Variants in PCBP3 observed in about 807,000 individuals in gnomAD.
The protein encoded by PCBP3 is poly(rC) binding protein 3.
Under a neutral mutation model 52.7 loss-of-function variants are expected in PCBP3, and 25 were observed. The ratio of observed to expected loss-of-function variants is 0.47; its 90% CI spans 0.35 to 0.66. PCBP3 has a LOEUF of 0.66. PCBP3 is among the 30% of genes least tolerant of loss of function. PCBP3 has a pLI of 0.01. For missense variants in PCBP3, 391 were observed against 490.3 expected (o/e 0.80, Z 1.91); for synonymous variants, 162 against 183.0 (o/e 0.89, Z 0.93).
chr21:45,741,015 G>T lies in PCBP3; in HGVS notation c.-162+5586G>T, dbSNP rs904816969. Among the ~76,000 whole-genome samples the T allele has an allele frequency of 6.6e-6, 1 of 152,182 alleles. No homozygotes were observed. Among genetic ancestry groups the T allele is most frequent in the Non-Finnish European group, 1.5e-5 (1 of 68,034 alleles). ...AAGGTGACTTGGGAGCCTGCCCTGC[G>T]GTGGGGGACTGTCCTAAACGGAAAG... On this transcript the variant is annotated intron_variant, in intron 3 of 17. Coordinates refer to ENST00000681687, the MANE Select transcript of PCBP3 (RefSeq NM_001384156.1). This position sits in a 1 kb window ranked among gnomAD's most constrained non-coding sequence, Gnocchi z 4.5.
rs369908786 is a variant in PCBP3, at chr21:45,663,042, A to C, written c.-278-5832A>C. 4.6e-5 allele frequency among the ~76,000 whole-genome samples: 7 copies of C among 152,048 alleles called. No homozygotes were observed. In the East Asian group the frequency reaches 1.4e-3, roughly 29 times the overall value. On this transcript the variant is annotated intron_variant, in intron 1 of 17. Transcript: ENST00000681687. ...TGTGATACTGTGCTTCAGCTGTCACACTCCTGGTCCGCTTTCATGTTCCAT... is the reference window on the plus strand; with the variant it reads ...TGTGATACTGTGCTTCAGCTGTCACCCTCCTGGTCCGCTTTCATGTTCCAT...
chr21:45,894,805 G>C (rs905219793), intron 5 of PCBP3, among the ~76,000 whole-genome samples: 1 of 152,240 alleles, frequency 6.6e-6, no homozygotes, highest in South Asian at 2.1e-4. Context: ...ATGCAAGGGT[G>C]ATCTTCGGAG....
chr21:45,900,990 A>G lies in PCBP3; in HGVS notation c.223-7A>G. 3.7e-6 allele frequency: 6 copies of G among 1,607,296 alleles called. No individual in the cohort carries two copies. The highest frequency in any genetic ancestry group is 5.1e-6 in the Non-Finnish European group (6 of 1,173,874). On this transcript the variant is annotated splice_region_variant and splice_polypyrimidine_tract_variant and intron_variant, in intron 8 of 17. Transcript: ENST00000681687. ...AGGTCGCTGGGGTTTCTCTGCTCTC[A>G]CCTTAGAGTGGTGCAAGGATCAACA...
At chr21:45,885,510 C>T (rs925666107) in intron 5 of PCBP3, among the ~76,000 whole-genome samples, 10 of 152,094 alleles carry the variant, frequency 6.6e-5, no homozygotes, top group African/African-American at 2.4e-5. Context: ...TTTCTGGTAC[C>T]CTAAGGACAT....
chr21:45,659,719 G>A (rs1429422148), intron 1 of PCBP3, among the ~76,000 whole-genome samples: 1 of 151,976 alleles, frequency 6.6e-6, no homozygotes, highest in African/African-American at 2.4e-5. Context: ...TGGTTATTTA[G>A]CAGTGTATTG....
intron 1 of PCBP3, among the ~76,000 whole-genome samples, chr21:45,651,000 C>G (rs1225887418): frequency 6.6e-6 from 1 of 152,134 alleles, no homozygotes; most frequent in Non-Finnish European, 1.5e-5. Flanking sequence ...TGTCAATAAT[C>G]TTGAGTGAGC....
chr21:45,913,831 G>A (rs2096452710), intron 11 of PCBP3, 120 bp from the exon 12 acceptor site: 1 of 875,198 alleles, frequency 1.1e-6, no homozygotes, highest in Non-Finnish European at 1.8e-6. Context: ...ACTCGGGGAG[G>A]TGTGGGGAGC....
At chr21:45,836,435 TG>T (rs1364245888) in intron 4 of PCBP3, 1 of 151,738 alleles carries the variant, frequency 6.6e-6, no homozygotes, top group African/African-American at 2.4e-5. Flanking sequence ...CCTGCCCTGC[TG>T]GGCCTCATCT....
chr21:45,932,271 T>G (rs1208672793), intron 15 of PCBP3, among the ~76,000 whole-genome samples: 43 of 105,316 alleles, frequency 4.1e-4, no homozygotes, highest in South Asian at 9.4e-4. Flanking sequence ...GGACACCTGG[T>G]CCATGCCGTC....
At chr21:45,646,073 C>T (rs965429874) in intron 1 of PCBP3, among the ~76,000 whole-genome samples, 22 of 123,162 alleles carry the variant, frequency 1.8e-4, no homozygotes, top group Non-Finnish European at 3.0e-4. Context: ...CTCTCTCTCT[C>T]TCTCTCTCTT....
Position 45,737,675 on chromosome 21 carries a change from T to G in PCBP3, c.-162+2246T>G, listed in dbSNP as rs190130682. On this transcript the variant is annotated intron_variant, in intron 3 of 17. Coordinates refer to ENST00000681687, the MANE Select transcript of PCBP3 (RefSeq NM_001384156.1). The surrounding 1 kb of genome is among the most constrained non-coding windows in gnomAD (Gnocchi z 4.9). ...GGTTCTGGAGGCTGCAGCAGGCAGA[T>G]TCTGGAAATTCCCTGAGGCCTTCGT... 2.2e-3 allele frequency among the ~76,000 whole-genome samples: 335 copies of G among 152,278 alleles called. 2 individuals are homozygous for G. The highest frequency in any genetic ancestry group is 7.5e-3 in the African/African-American group (313 of 41,560).
At chr21:45,779,345 G>A (rs1292449995) in intron 4 of PCBP3, among the ~76,000 whole-genome samples, 1 of 152,152 alleles carries the variant, frequency 6.6e-6, no homozygotes, top group African/African-American at 2.4e-5. Context: ...TGGGGATGTG[G>A]GCCACTGGAA....
At chr21:45,715,157 A>G (rs935266432) in intron 2 of PCBP3, among the ~76,000 whole-genome samples, 2 of 152,208 alleles carry the variant, frequency 1.3e-5, no homozygotes, top group Non-Finnish European at 2.9e-5. Flanking sequence ...GCTGGTGAAG[A>G]TATGTACACG....
At chr21:45,721,412 CAA>C (rs34586187) in intron 2 of PCBP3, among the ~76,000 whole-genome samples, 3,099 of 95,106 alleles carry the variant, frequency 0.033, 51 homozygotes, top group African/African-American at 0.068. Flanking sequence ...GACTCCATCT[CAA>C]AAAAAAAAAA....
At chr21:45,756,997 C>G (rs1220625776) in intron 4 of PCBP3, among the ~76,000 whole-genome samples, 1 of 152,192 alleles carries the variant, frequency 6.6e-6, no homozygotes, top group African/African-American at 2.4e-5. Flanking sequence ...CATTCCTGTA[C>G]AAGTTTTTTA....
At chr21:45,936,048 G>C (rs1488336863) in intron 16 of PCBP3, among the ~76,000 whole-genome samples, 1 of 152,224 alleles carries the variant, frequency 6.6e-6, no homozygotes, top group Non-Finnish European at 1.5e-5. Flanking sequence ...AAGTGTCCAG[G>C]AGGCTTTTCT....
At chr21:45,676,476 T>C (rs2081472486) in intron 2 of PCBP3, among the ~76,000 whole-genome samples, 1 of 152,220 alleles carries the variant, frequency 6.6e-6, no homozygotes, top group Non-Finnish European at 1.5e-5. Flanking sequence ...TGTCACATTT[T>C]AGTACTTCTC....
Position 45,883,296 on chromosome 21 carries a change from T to G in PCBP3, c.11-12912T>G, listed in dbSNP as rs144427073. Among the ~76,000 whole-genome samples, 697 of 152,348 alleles carry G rather than the reference T, an allele frequency of 4.6e-3. 7 individuals carry two copies. Among genetic ancestry groups the G allele is most frequent in the African/African-American group, 0.016 (657 of 41,574 alleles). Reference sequence around the variant, plus strand: ...ATTCTGTTAAATTTGCTGAGGTTTCTTTTATGGCCAAGGGTATGGTCTATC... The same window carrying G: ...ATTCTGTTAAATTTGCTGAGGTTTCGTTTATGGCCAAGGGTATGGTCTATC... On this transcript the variant is annotated intron_variant, in intron 5 of 17. Transcript: ENST00000681687.
intron 4 of PCBP3, chr21:45,759,670 T>C (rs2088428950): frequency 6.6e-6 from 1 of 152,204 alleles, no homozygotes; most frequent in South Asian, 2.1e-4. Context: ...TTATAACATA[T>C]AATTCATTGG....
Sources: allele counts gnomAD v4.1 joint callset (sites outside exome capture counted in the v4.1 genomes callset), GRCh38; gene constraint gnomAD v4.1.1; non-coding constraint Gnocchi (gnomAD v3.1); transcripts MANE v1.5; gene names NCBI Gene and HGNC (gene_info 2026-07-23, HGNC 2026-07-21).